The following SLC17A2 variants were observed in gnomAD, a reference collection of about 807,000 sequenced individuals.
SLC17A2 encodes solute carrier family 17 member 2, also known as sodium-dependent phosphate transport protein 3.
A neutral mutation model predicts 52.1 loss-of-function variants in SLC17A2; 38 were observed. The observed-to-expected ratio is 0.73, with a 90% CI of 0.56 to 0.96. The LOEUF is 0.96. SLC17A2 is among the 40% of genes least tolerant of loss of function. The probability of loss-of-function intolerance (pLI) is 0.00; values close to 1 mark genes in which losing one functional copy is unlikely to be tolerated. For missense variants in SLC17A2, 508 were observed against 583.9 expected (o/e 0.87, Z 1.34); for synonymous variants, 226 against 211.9 (o/e 1.07, Z -0.58).
rs150552843 is a variant in SLC17A2 at position 25,918,714 on chromosome 6, A to G, written c.563-141T>C. 723 of 607,224 alleles carry G rather than the reference A, an allele frequency of 1.2e-3. 15 individuals carry two copies. The highest frequency in any genetic ancestry group is 8.9e-3 in the South Asian group (432 of 48,808). 37.6% of individuals were successfully genotyped at this position (607,224 alleles called of 1,614,324 possible). Reference sequence around the variant, plus strand: ...AGTATTTATTTCTAAAATAGCTCACAGATTTTCCCCAGTAAAGTAATATGA... The same window carrying G: ...AGTATTTATTTCTAAAATAGCTCACGGATTTTCCCCAGTAAAGTAATATGA... On this transcript the variant is annotated intron_variant, in intron 5 of 11. Transcript: ENST00000377850.
chr6:25,914,644 G>C lies in SLC17A2; in HGVS notation c.1238C>G (p.Ser413Ter). The change falls in exon 11 of 12, where the codon TCA becomes TGA. Residue 413 changes from serine to a stop codon, truncating the protein, a stop_gained. Transcript: ENST00000377850. LOFTEE classifies it high-confidence loss of function. ...PRYASFLMGI[S>*]RGFGLIAGII... ...TCCTGCGATGAGCCCAAATCCCCTT[G>C]AGATTCCCATGAGGAAACTTGCATA... is the stretch of plus-strand genomic sequence containing the variant. 6.2e-7 allele frequency: 1 copy of C among 1,611,976 alleles called. No individual in the cohort carries two copies. Among genetic ancestry groups the C allele is most frequent in the African/African-American group, 1.3e-5 (1 of 74,992 alleles).
rs1269689518 is a variant in SLC17A2 at position 25,923,800 on chromosome 6, C to T, written c.135G>A (p.Met45Ile). Reference protein sequence around the residue: ...RVSLSIAIIAMVNTTQQQGLS... With the variant: ...RVSLSIAIIAIVNTTQQQGLS... Reference sequence around the variant, plus strand: ...GACCTTGCTGCTGAGTGGTGTTCACCATGGCGATGATCGCAATGCTCAGAC... The same window carrying T: ...GACCTTGCTGCTGAGTGGTGTTCACTATGGCGATGATCGCAATGCTCAGAC... Residue 45 changes from methionine (M) to isoleucine (I), a missense_variant, in exon 3 of 12, where the codon ATG becomes ATA. Transcript: ENST00000377850. 4 of 1,614,042 alleles carry T rather than the reference C, an allele frequency of 2.5e-6. No individual in the cohort carries two copies. Among genetic ancestry groups the T allele is most frequent in the Non-Finnish European group, 3.4e-6 (4 of 1,180,038 alleles).
intron 3 of SLC17A2, among the ~76,000 whole-genome samples, chr6:25,923,448 C>A (rs946787437): frequency 6.6e-6 from 1 of 152,200 alleles, no homozygotes; most frequent in Non-Finnish European, 1.5e-5. Context: ...GAAGACATCA[C>A]ATAAACTGTT....
In SLC17A2 at chr6:25,921,277, A is replaced by G; in HGVS notation, c.376T>C (p.Leu126=). The G allele has an allele frequency of 6.2e-7, 1 of 1,614,180 alleles. No homozygotes were observed. ...AGGGTGAGAAGGGAAGAGATCAGCA[A>G]ACCAGCACCAAGCATTTTTTTTGCT... ...FGAKKMLGAG[L]LISSLLTLFT... Residue 126 remains leucine, a synonymous_variant, in exon 4 of 12, where the codon TTG becomes CTG. Transcript: ENST00000377850.
rs1766179957 is a variant in SLC17A2, at chr6:25,913,465, A to G, written c.1303-14T>C. ...AGACTCAAAATCCTAGATGTAAAAAACAGAGAAAATGATCAATCTCACAAG... is the reference window on the plus strand; with the variant it reads ...AGACTCAAAATCCTAGATGTAAAAAGCAGAGAAAATGATCAATCTCACAAG... On this transcript the variant is annotated splice_polypyrimidine_tract_variant and intron_variant, in intron 11 of 11. Transcript: ENST00000377850. 1 of 1,612,960 alleles carries G rather than the reference A, an allele frequency of 6.2e-7. No individual in the cohort carries two copies. Among genetic ancestry groups the G allele is most frequent in the Admixed American group, 1.7e-5 (1 of 59,932 alleles).
chr6:25,921,310 T>C lies in SLC17A2; in HGVS notation c.343A>G (p.Ile115Val). 2 of 1,614,146 alleles carry C rather than the reference T, an allele frequency of 1.2e-6. No individual in the cohort carries two copies. The highest frequency in any genetic ancestry group is 2.2e-5 in the South Asian group (2 of 91,082). Residue 115 changes from isoleucine to valine, a missense_variant, in exon 4 of 12, where the codon ATA becomes GTA. Ile to Val is a conservative substitution (Grantham distance 29). Coordinates refer to ENST00000377850, the MANE Select transcript of SLC17A2 (RefSeq NM_001286123.3). ...CCAAGCATTTTTTTTGCTCCAAATA[T>C]CCCTGCTAAATATCCACTTGGGATC... ...TLIPSGYLAG[I>V]FGAKKMLGAG...
rs774991867 is a variant in SLC17A2 at position 25,913,354 on chromosome 6, T to G, written c.1400A>C (p.Gln467Pro). ...FYLTFGQAEL[Q>P]DWAKERTLTR... The stretch of plus-strand genomic sequence containing the variant: ...AAGGGTCCTCTCTTTGGCCCAGTCT[T>G]GAAGTTCTGCTTGTCCAAACGTGAG... Residue 467 changes from glutamine (Q) to proline (P), a missense_variant, in exon 12 of 12, where the codon CAA becomes CCA. Transcript: ENST00000377850. 1 of 1,614,140 alleles carries G rather than the reference T, an allele frequency of 6.2e-7. No homozygotes were observed. The highest frequency in any genetic ancestry group is 8.5e-7 in the Non-Finnish European group (1 of 1,180,004).
At position 25,913,302 on chromosome 6, in the gene SLC17A2, T is replaced by G; in HGVS notation, c.*15A>C. On this transcript the variant is annotated 3_prime_UTR_variant, in exon 12 of 12. Coordinates refer to ENST00000377850, the MANE Select transcript of SLC17A2 (RefSeq NM_001286123.3). ...TCATGCTCAGTACCACATTTAAGTT[T>G]GTAACTTTATGTCCTCAGAGGCGGG... The G allele has an allele frequency of 6.2e-7, 1 of 1,614,132 alleles. No homozygotes were observed. The highest frequency in any genetic ancestry group is 8.5e-7 in the Non-Finnish European group (1 of 1,179,950).
intron 7 of SLC17A2, 25 bp downstream of exon 7, chr6:25,916,944 C>T (rs1242836847): frequency 1.3e-6 from 2 of 1,595,886 alleles, no homozygotes; most frequent in South Asian, 1.1e-5. Flanking sequence ...CTGCATGGGC[C>T]ACAGGTACAA....
rs1003695908 is a variant in SLC17A2, at chr6:25,912,815, C to G, written c.*502G>C. On this transcript the variant is annotated 3_prime_UTR_variant, in exon 12 of 12. Transcript: ENST00000377850. The stretch of plus-strand genomic sequence containing the variant: ...CACATAAATAAACGTCTATGTTTTA[C>G]AATGTATAAAAAATAATAAAAACTT... 5 of 152,044 alleles carry G rather than the reference C, an allele frequency of 3.3e-5. No individual in the cohort carries two copies. The highest frequency in any genetic ancestry group is 1.2e-4 in the African/African-American group (5 of 41,276). 9.4% of individuals were successfully genotyped at this position (152,044 alleles called of 1,614,324 possible). A position where few individuals can be genotyped will look rare whatever the true frequency, so the allele number is the denominator to read the frequency against.
intron 1 of SLC17A2, among the ~76,000 whole-genome samples, chr6:25,927,560 T>C (rs1581576942): frequency 6.6e-6 from 1 of 152,220 alleles, no homozygotes. Flanking sequence ...AATTAGTAGA[T>C]ACTCATTTTA....
chr6:25,927,868 G>T (rs554365875), intron 1 of SLC17A2, among the ~76,000 whole-genome samples: 1 of 152,224 alleles, frequency 6.6e-6, no homozygotes, highest in East Asian at 1.9e-4. Context: ...CAGGAGTTCA[G>T]CTCATTGCTC....
chr6:25,916,283 A>G (rs1290601834), intron 8 of SLC17A2, among the ~76,000 whole-genome samples: 1 of 152,092 alleles, frequency 6.6e-6, no homozygotes, highest in Non-Finnish European at 1.5e-5. Context: ...TTAGTAAACC[A>G]TATTGGTCAG....
chr6:25,926,914 A>G (rs1441990900), intron 1 of SLC17A2, among the ~76,000 whole-genome samples: 2 of 152,150 alleles, frequency 1.3e-5, no homozygotes, highest in East Asian at 1.9e-4. Context: ...TAAAAATACA[A>G]AAACAGCCGG....
At chr6:25,920,038 G>T (rs1386191018) in intron 5 of SLC17A2, among the ~76,000 whole-genome samples, 1 of 152,170 alleles carries the variant, frequency 6.6e-6, no homozygotes, top group Admixed American at 6.5e-5. Context: ...GTAAAAATGT[G>T]CCATCTTTAT....
chr6:25,919,768 T>C (rs948653933), intron 5 of SLC17A2, among the ~76,000 whole-genome samples: 3 of 130,124 alleles, frequency 2.3e-5, no homozygotes, highest in African/African-American at 5.8e-5. Context: ...ATAGGATAGA[T>C]GGAATTTTGG....
chr6:25,914,801 A>C, intron 10 of SLC17A2, 131 bp from the exon 11 acceptor site: 1 of 620,338 alleles, frequency 1.6e-6, no homozygotes, highest in Non-Finnish European at 2.9e-6. Flanking sequence ...CATTCACCTA[A>C]AGACATTCAG....
In SLC17A2 at chr6:25,917,098, G is replaced by T. The variant is rs201738947; in HGVS notation, c.650-11C>A. 1 of 1,604,752 alleles carries T rather than the reference G, an allele frequency of 6.2e-7. No homozygotes were observed. The highest frequency in any genetic ancestry group is 1.1e-5 in the South Asian group (1 of 90,914). On this transcript the variant is annotated splice_polypyrimidine_tract_variant and intron_variant, in intron 6 of 11. Coordinates refer to ENST00000377850, the MANE Select transcript of SLC17A2 (RefSeq NM_001286123.3). Reference sequence around the variant, plus strand: ...CACAGCCAGTGCTACCTGGGAAGAAGGGATAAAATTAGTTTTTAGGTAGAT... The same window carrying T: ...CACAGCCAGTGCTACCTGGGAAGAATGGATAAAATTAGTTTTTAGGTAGAT...
intron 1 of SLC17A2, among the ~76,000 whole-genome samples, chr6:25,927,161 G>A (rs1224256032): frequency 1.3e-5 from 2 of 152,096 alleles, no homozygotes; most frequent in Non-Finnish European, 2.9e-5. Flanking sequence ...AGACTTGTCC[G>A]TACTTTAAAG....
Sources: allele counts gnomAD v4.1 joint callset (sites outside exome capture counted in the v4.1 genomes callset), GRCh38; gene constraint gnomAD v4.1.1; transcripts MANE v1.5; gene names NCBI Gene and HGNC (gene_info 2026-07-23, HGNC 2026-07-21).